PNPLA1: variants seen among roughly 807,000 people sequenced by gnomAD.
PNPLA1 encodes the protein omega-hydroxyceramide transacylase.
In PNPLA1, 36 loss-of-function variants were observed where a neutral mutation model predicts 51.7. The ratio of observed to expected loss-of-function variants is 0.70; its 90% CI spans 0.53 to 0.92. The LOEUF is 0.92. PNPLA1 is among the 40% of genes least tolerant of loss of function. PNPLA1 has a pLI of 0.00. For missense variants in PNPLA1, 658 were observed against 682.5 expected (o/e 0.96, Z 0.40); for synonymous variants, 293 against 280.1 (o/e 1.05, Z -0.46).
At chr6:36,280,115 A>G (rs534323282) in intron 1 of PNPLA1, among the ~76,000 whole-genome samples, 2 of 152,328 alleles carry the variant, frequency 1.3e-5, no homozygotes, top group South Asian at 4.1e-4. Flanking sequence ...CTGAAGCAGG[A>G]GAATTGTGTG....
chr6:36,280,090 T>G (rs530521510), intron 1 of PNPLA1, among the ~76,000 whole-genome samples: 1 of 152,114 alleles, frequency 6.6e-6, no homozygotes, highest in Non-Finnish European at 1.5e-5. Flanking sequence ...CCTGTAGTCG[T>G]AGCTACTCGG....
At chr6:36,285,507 G>C (rs980840166) in intron 1 of PNPLA1, among the ~76,000 whole-genome samples, 12 of 152,160 alleles carry the variant, frequency 7.9e-5, no homozygotes, top group Non-Finnish European at 1.5e-4. Context: ...TTTTCATTTC[G>C]CAAGAGGCCA....
intron 1 of PNPLA1, among the ~76,000 whole-genome samples, chr6:36,260,492 C>A (rs1347648461): frequency 3.3e-5 from 5 of 152,160 alleles, no homozygotes; most frequent in Non-Finnish European, 5.9e-5. Context: ...AACACATTCA[C>A]ATGGTTCAAC....
intron 1 of PNPLA1, among the ~76,000 whole-genome samples, chr6:36,254,263 G>T (rs1264797096): frequency 6.6e-6 from 1 of 152,062 alleles, no homozygotes; most frequent in Non-Finnish European, 1.5e-5. Context: ...CCTGGTCTTG[G>T]TTCCCTAATT....
chr6:36,270,707 A>T, intron 1 of PNPLA1, 43 bp downstream of exon 1: 1 of 1,538,988 alleles, frequency 6.5e-7, no homozygotes. Flanking sequence ...CTCTTGGGGG[A>T]TTCCACAGAG....
chr6:36,291,572 A>C lies in PNPLA1; in HGVS notation c.438+20A>C. 1.3e-5 allele frequency: 1 copy of C among 76,690 alleles called. No homozygotes were observed. The allele number at this position is 76,690 out of a possible 1,614,324, so 4.8% of individuals were successfully genotyped here. On this transcript the variant is annotated intron_variant, in intron 2 of 8. Transcript: ENST00000636260. ...ATTGAGGCAAGGGGGCTGGGCTGGG[A>C]GGGAGGGACACGGAGGGGGCGGGGG...
intron 1 of PNPLA1, among the ~76,000 whole-genome samples, chr6:36,281,082 G>A (rs1770265779): frequency 1.3e-5 from 2 of 152,298 alleles, no homozygotes; most frequent in South Asian, 4.2e-4. Context: ...CATGAGCCAT[G>A]GCACCTGATC....
chr6:36,262,017 G>T (rs868503587), intron 1 of PNPLA1, among the ~76,000 whole-genome samples: 2 of 152,068 alleles, frequency 1.3e-5, no homozygotes, highest in South Asian at 2.1e-4. Context: ...TTATCCTCTG[G>T]GGAGAATCGC....
At chr6:36,257,315 T>C (rs1769553158) in intron 1 of PNPLA1, among the ~76,000 whole-genome samples, 1 of 152,200 alleles carries the variant, frequency 6.6e-6, no homozygotes, top group African/African-American at 2.4e-5. Context: ...TAAATAAGGA[T>C]ATTTTATTTT....
chr6:36,281,019 C>T (rs1290567791), intron 1 of PNPLA1, among the ~76,000 whole-genome samples: 1 of 152,220 alleles, frequency 6.6e-6, no homozygotes, highest in Non-Finnish European at 1.5e-5. Flanking sequence ...TCTCGAACTC[C>T]TGGCCTCAAT....
chr6:36,243,598 T>C (rs1031373814), intron 1 of PNPLA1, among the ~76,000 whole-genome samples: 2 of 152,082 alleles, frequency 1.3e-5, no homozygotes, highest in African/African-American at 4.8e-5. Flanking sequence ...AGGTGCAGCC[T>C]GGGATAAAGG....
intron 5 of PNPLA1, 119 bp from the exon 6 acceptor site, chr6:36,301,742 T>A: frequency 7.5e-7 from 1 of 1,331,614 alleles, no homozygotes; most frequent in Admixed American, 2.2e-5. Context: ...TTCAAGTAAG[T>A]ACAGAAAGAC....
At chr6:36,244,688 C>T (rs1769226467) in intron 1 of PNPLA1, among the ~76,000 whole-genome samples, 1 of 152,204 alleles carries the variant, frequency 6.6e-6, no homozygotes, top group Non-Finnish European at 1.5e-5. Context: ...TTAGCTTCTC[C>T]TCAAATCTGC....
chr6:36,268,837 G>A (rs1365392664), upstream of PNPLA1, among the ~76,000 whole-genome samples: 1 of 152,144 alleles, frequency 6.6e-6, no homozygotes, highest in Non-Finnish European at 1.5e-5. Flanking sequence ...CAAGCCCTCA[G>A]TGGAGCTGAC....
intron 3 of PNPLA1, among the ~76,000 whole-genome samples, chr6:36,293,457 G>A (rs1019391202): frequency 1.3e-5 from 2 of 152,136 alleles, no homozygotes; most frequent in Non-Finnish European, 2.9e-5. Flanking sequence ...AAATGATGAG[G>A]ATGTTTTCTG....
Position 36,294,406 on chromosome 6 carries a change from G to A in PNPLA1, c.714+7G>A, listed in dbSNP as rs746388413. On this transcript the variant is annotated splice_region_variant and intron_variant, in intron 4 of 8. Coordinates refer to ENST00000636260, the MANE Select transcript of PNPLA1 (RefSeq NM_001374623.1). This position sits in a 1 kb window ranked among gnomAD's most constrained non-coding sequence, Gnocchi z 4.2. ...GTTCCCCCCGGACCTGGTGGTGAGA[G>A]GCAGGAGGGGTCTGGGGAGTAGCAG... The A allele has an allele frequency of 5.0e-6, 8 of 1,612,724 alleles. No individual in the cohort carries two copies. In the East Asian group the frequency reaches 8.9e-5, roughly 18 times the overall value.
chr6:36,295,036 C>T (rs1394945000), intron 4 of PNPLA1, among the ~76,000 whole-genome samples: 5 of 152,202 alleles, frequency 3.3e-5, no homozygotes, highest in African/African-American at 1.2e-4. Flanking sequence ...GCCCAGAGAC[C>T]TGAACTCAGG....
chr6:36,277,697 C>A (rs1297136695), intron 1 of PNPLA1, among the ~76,000 whole-genome samples: 4 of 152,186 alleles, frequency 2.6e-5, no homozygotes, highest in Non-Finnish European at 5.9e-5. Context: ...GACCCTGTTT[C>A]TACAAAAAAT....
chr6:36,262,944 C>T (rs1215346938), intron 1 of PNPLA1, among the ~76,000 whole-genome samples: 1 of 152,118 alleles, frequency 6.6e-6, no homozygotes, highest in Non-Finnish European at 1.5e-5. Flanking sequence ...TTTTGGAGGA[C>T]TCCTATGAGT....
Sources: allele counts gnomAD v4.1 joint callset (sites outside exome capture counted in the v4.1 genomes callset), GRCh38; gene constraint gnomAD v4.1.1; non-coding constraint Gnocchi (gnomAD v3.1); transcripts MANE v1.5; gene names NCBI Gene and HGNC (gene_info 2026-07-23, HGNC 2026-07-21).